The following IL12RB1 variants were observed in gnomAD, a reference collection of about 807,000 sequenced individuals.
The protein encoded by IL12RB1 is interleukin-12 receptor subunit beta-1.
IL12RB1 carries 64 observed loss-of-function variants against 94.4 expected under a neutral mutation model. The ratio of observed to expected loss-of-function variants is 0.68; its 90% CI spans 0.55 to 0.83. The LOEUF is 0.83. IL12RB1 is among the 40% of genes least tolerant of loss of function. IL12RB1 has a pLI of 0.00. For synonymous variants in IL12RB1, 362 were observed against 355.5 expected (o/e 1.02, Z -0.21); for missense variants, 814 against 855.6 (o/e 0.95, Z 0.61).
At position 18,082,263 on chromosome 19, in the gene IL12RB1, G is replaced by A. The variant is rs1239545512; in HGVS notation, c.126C>T (p.Gly42=). Residue 42 remains glycine, a splice_region_variant and synonymous_variant, in exon 3 of 17, where the codon GGC becomes GGT. Coordinates refer to ENST00000593993, the MANE Select transcript of IL12RB1 (RefSeq NM_005535.3). The stretch of plus-strand genomic sequence containing the variant: ...TCAGGTCCCTAGGGCCCGAGGCCGA[G>A]CCTGGAAGAGATCCTGTAGGCTTGG... The part of the protein sequence containing the change: ...QDPPYPDADS[G]SASGPRDLRC... 1 of 1,589,926 alleles carries A rather than the reference G, an allele frequency of 6.3e-7. No individual in the cohort carries two copies. Among genetic ancestry groups the A allele is most frequent in the African/African-American group, 1.3e-5 (1 of 74,458 alleles).
chr19:18,066,100 T>A (rs935946076), intron 12 of IL12RB1, among the ~76,000 whole-genome samples: 2 of 151,354 alleles, frequency 1.3e-5, no homozygotes, highest in African/African-American at 2.4e-5. Context: ...GTTTTTTGTT[T>A]GTTTGTTTTC....
intron 6 of IL12RB1, 109 bp from the exon 7 acceptor site, chr19:18,075,977 G>A (rs1194523480): frequency 9.0e-7 from 1 of 1,111,382 alleles, no homozygotes; most frequent in Non-Finnish European, 1.4e-6. Context: ...AGAGCCACGT[G>A]CTGGGTCCTG....
At chr19:18,094,859 G>C (rs2036815705) in intron 1 of IL12RB1, among the ~76,000 whole-genome samples, 1 of 151,878 alleles carries the variant, frequency 6.6e-6, no homozygotes, top group South Asian at 2.1e-4. Flanking sequence ...TCCATTCCTA[G>C]GTAAGTACCC....
chr19:18,061,862 C>CAAAAAAGAAAAAAA (rs71336662), intron 14 of IL12RB1, among the ~76,000 whole-genome samples: 13 of 141,962 alleles, frequency 9.2e-5, no homozygotes, highest in Non-Finnish European at 1.7e-4. Context: ...GACTCCATCT[C>CAAAAAAGAAAAAAA]AAAAAAGAAA....
intron 1 of IL12RB1, among the ~76,000 whole-genome samples, chr19:18,085,861 G>A (rs1315172045): frequency 6.6e-6 from 1 of 151,304 alleles, no homozygotes; most frequent in African/African-American, 2.4e-5. Context: ...CACCCATCTT[G>A]GCCTCCCATA....
chr19:18,088,388 A>AATATATATATATATATATAT (rs372635550), upstream of IL12RB1, among the ~76,000 whole-genome samples: 142 of 108,500 alleles, frequency 1.3e-3, no homozygotes, highest in Admixed American at 2.1e-3. Flanking sequence ...TCCATCTCAA[A>AATATATATATATATATATAT]ATATATATAT....
chr19:18,060,154 G>A (rs1422477407), intron 15 of IL12RB1, 69 bp from the exon 16 acceptor site: 1 of 800,882 alleles, frequency 1.2e-6, no homozygotes, highest in African/African-American at 1.7e-5. Context: ...GGATGGAACG[G>A]ACCAGGTCAC....
At chr19:18,079,725 G>A (rs551987028) in intron 4 of IL12RB1, among the ~76,000 whole-genome samples, 176 of 151,500 alleles carry the variant, frequency 1.2e-3, no homozygotes, top group African/African-American at 3.9e-3. Flanking sequence ...GTGAAACCCC[G>A]TCTCTACTAA....
At chr19:18,064,046 T>G (rs996468328) in intron 12 of IL12RB1, 36 bp from the exon 13 acceptor site, 6 of 1,562,858 alleles carry the variant, frequency 3.8e-6, no homozygotes, top group Non-Finnish European at 4.4e-6. Flanking sequence ...TCCTGGGACC[T>G]CTTTACTCCT....
intron 13 of IL12RB1, among the ~76,000 whole-genome samples, chr19:18,063,079 T>C (rs1316815263): frequency 5.0e-5 from 1 of 19,844 alleles, no homozygotes; most frequent in Non-Finnish European, 9.8e-5. Flanking sequence ...TCTTCTTCTA[T>C]TTTTTTTTTT....
intron 12 of IL12RB1, among the ~76,000 whole-genome samples, chr19:18,066,210 C>T (rs546770427): frequency 3.9e-5 from 6 of 152,032 alleles, no homozygotes; most frequent in East Asian, 1.9e-4. Context: ...TGGGTTCAAG[C>T]GATTCTCCTG....
At chr19:18,076,605 T>C (rs2035497252) in intron 5 of IL12RB1, among the ~76,000 whole-genome samples, 1 of 152,112 alleles carries the variant, frequency 6.6e-6, no homozygotes, top group African/African-American at 2.4e-5. Flanking sequence ...GATTTCACCA[T>C]GTTGCCCAGG....
At chr19:18,097,610 T>A (rs537085299) in intron 1 of IL12RB1, among the ~76,000 whole-genome samples, 8 of 152,290 alleles carry the variant, frequency 5.3e-5, no homozygotes, top group African/African-American at 1.9e-4. Flanking sequence ...TATTTACTTC[T>A]GCGCTCTGCT....
intron 1 of IL12RB1, among the ~76,000 whole-genome samples, chr19:18,093,344 A>ATATG (rs1555789458): frequency 1.4e-5 from 2 of 142,602 alleles, no homozygotes; most frequent in Non-Finnish European, 1.5e-5. Context: ...ATATATATAT[A>ATATG]TATACTTGTG....
chr19:18,061,049 T>C, intron 15 of IL12RB1, 73 bp downstream of exon 15: 1 of 801,612 alleles, frequency 1.2e-6, no homozygotes, highest in Non-Finnish European at 2.2e-6. Flanking sequence ...GAGAATAAAA[T>C]GAGCTAATGC....
chr19:18,082,310 G>A (rs767188828), intron 2 of IL12RB1, 46 bp from the exon 3 acceptor site: 10 of 1,121,666 alleles, frequency 8.9e-6, no homozygotes, highest in South Asian at 1.3e-5. Context: ...AGTCTGGAGG[G>A]GTCTTCGTGC....
chr19:18,076,283 A>G lies in IL12RB1; in HGVS notation c.580+14T>C, dbSNP rs1017783625. 2 of 1,278,992 alleles carry G rather than the reference A, an allele frequency of 1.6e-6. No homozygotes were observed. The highest frequency in any genetic ancestry group is 1.7e-5 in the Admixed American group (1 of 59,574). 79.2% of individuals were successfully genotyped at this position (1,278,992 alleles called of 1,614,324 possible). Reference sequence around the variant, plus strand: ...TGCTGCAGCTGTTGTTGTCATTACTATTATTATTCTCACCAGTATCATCAT... The same window carrying G: ...TGCTGCAGCTGTTGTTGTCATTACTGTTATTATTCTCACCAGTATCATCAT... On this transcript the variant is annotated intron_variant, in intron 6 of 16. Transcript: ENST00000593993.
At chr19:18,081,588 G>T (rs1036000618) in intron 3 of IL12RB1, among the ~76,000 whole-genome samples, 6 of 151,464 alleles carry the variant, frequency 4.0e-5, no homozygotes, top group African/African-American at 7.3e-5. Flanking sequence ...GGGAGGCCAA[G>T]GGGGGGTGGA....
chr19:18,093,209 C>T (rs900895267), intron 1 of IL12RB1, among the ~76,000 whole-genome samples: 9 of 151,434 alleles, frequency 5.9e-5, no homozygotes, highest in African/African-American at 1.2e-4. Context: ...GGAGGCTGAG[C>T]GCAGGAGAAT....
Sources: allele counts gnomAD v4.1 joint callset (sites outside exome capture counted in the v4.1 genomes callset), GRCh38; gene constraint gnomAD v4.1.1; transcripts MANE v1.5; gene names NCBI Gene and HGNC (gene_info 2026-07-23, HGNC 2026-07-21).